Variants in SYN3 observed in about 807,000 individuals in gnomAD.
SYN3 encodes synapsin-3.
A neutral mutation model predicts 65.8 loss-of-function variants in SYN3; 35 were observed. That is an observed-to-expected ratio of 0.53 (90% CI 0.41 to 0.70). SYN3 has a LOEUF of 0.70. SYN3 is among the 30% of genes least tolerant of loss of function. The probability of loss-of-function intolerance (pLI) is 0.00; values close to 1 mark genes in which losing one functional copy is unlikely to be tolerated. For synonymous variants in SYN3, 270 were observed against 292.9 expected (o/e 0.92, Z 0.80); for missense variants, 680 against 749.0 (o/e 0.91, Z 1.08).
intron 6 of SYN3, among the ~76,000 whole-genome samples, chr22:32,622,228 C>T (rs1424407244): frequency 6.6e-6 from 1 of 152,082 alleles, no homozygotes; most frequent in Admixed American, 6.5e-5. Flanking sequence ...CTGTCCGCTG[C>T]CCTGTCTCCC....
chr22:32,822,662 G>A (rs530653064), intron 6 of SYN3, among the ~76,000 whole-genome samples: 53 of 152,162 alleles, frequency 3.5e-4, no homozygotes, highest in Non-Finnish European at 5.9e-4. Context: ...CGTTCATACA[G>A]TGAAGATCTG....
At chr22:32,593,263 T>A (rs1204249716) in intron 7 of SYN3, among the ~76,000 whole-genome samples, 2 of 151,426 alleles carry the variant, frequency 1.3e-5, no homozygotes, top group South Asian at 2.1e-4. Flanking sequence ...TTTTTTTTTT[T>A]AATCCTTGGA....
At chr22:32,684,464 T>G (rs2060564303) in intron 6 of SYN3, among the ~76,000 whole-genome samples, 1 of 152,212 alleles carries the variant, frequency 6.6e-6, no homozygotes, top group Non-Finnish European at 1.5e-5. Flanking sequence ...GGGTTTTTTC[T>G]TATTTCATTT....
chr22:32,868,949 C>T lies in SYN3; in HGVS notation c.621+17G>A, dbSNP rs1187121006. 1 of 1,611,372 alleles carries T rather than the reference C, an allele frequency of 6.2e-7. No homozygotes were observed. Among genetic ancestry groups the T allele is most frequent in the Non-Finnish European group, 8.5e-7 (1 of 1,178,540 alleles). On this transcript the variant is annotated intron_variant, in intron 5 of 13. Coordinates refer to ENST00000358763, the MANE Select transcript of SYN3 (RefSeq NM_003490.4). ...TGCCTCCCAGATCCCTCCAGGTCAG[C>T]CTGCCCTGTCACCTACCACCCAGGG...
At chr22:32,716,208 C>A (rs2061037341) in intron 6 of SYN3, among the ~76,000 whole-genome samples, 1 of 152,120 alleles carries the variant, frequency 6.6e-6, no homozygotes, top group Non-Finnish European at 1.5e-5. Flanking sequence ...AGTAAAGTTC[C>A]CACTTGAGTA....
chr22:32,751,476 G>A (rs1020028542), intron 6 of SYN3, among the ~76,000 whole-genome samples: 1 of 152,214 alleles, frequency 6.6e-6, no homozygotes, highest in Non-Finnish European at 1.5e-5. Flanking sequence ...GGGTGGTCAT[G>A]GGAGAGATCG....
chr22:33,021,851 A>G (rs1326453103), intron 1 of SYN3, among the ~76,000 whole-genome samples: 6 of 150,286 alleles, frequency 4.0e-5, no homozygotes, highest in Non-Finnish European at 8.8e-5. Flanking sequence ...CTCCCCAGGG[A>G]GAGAGACCAT....
intron 4 of SYN3, among the ~76,000 whole-genome samples, chr22:32,924,872 G>A (rs925343997): frequency 2.0e-5 from 3 of 152,244 alleles, no homozygotes; most frequent in South Asian, 4.1e-4. Flanking sequence ...TGGGAGGATC[G>A]CTTGAGCTCA....
intron 12 of SYN3, among the ~76,000 whole-genome samples, chr22:32,525,593 C>G (rs1159624498): frequency 6.6e-6 from 1 of 151,780 alleles, no homozygotes; most frequent in Non-Finnish European, 1.5e-5. Flanking sequence ...ACCTGTAGTC[C>G]CAGCTACTCG....
At chr22:32,557,965 TTC>T (rs1199922658) in intron 7 of SYN3, among the ~76,000 whole-genome samples, 1 of 152,230 alleles carries the variant, frequency 6.6e-6, no homozygotes, top group Admixed American at 6.5e-5. Flanking sequence ...TACTGTGTTT[TTC>T]TCTCTTTTAA....
At chr22:32,522,589 A>G (rs1021094910) in intron 12 of SYN3, among the ~76,000 whole-genome samples, 1 of 152,352 alleles carries the variant, frequency 6.6e-6, no homozygotes, top group Non-Finnish European at 1.5e-5. Flanking sequence ...CATTAGTTAC[A>G]AGGATTGTTA....
chr22:32,682,608 T>A (rs1350381927), intron 6 of SYN3, among the ~76,000 whole-genome samples: 1 of 152,170 alleles, frequency 6.6e-6, no homozygotes, highest in Non-Finnish European at 1.5e-5. Context: ...TTAGACCCCA[T>A]CTGATCTTTA....
At chr22:32,644,474 C>T (rs2059955261) in intron 6 of SYN3, among the ~76,000 whole-genome samples, 1 of 152,096 alleles carries the variant, frequency 6.6e-6, no homozygotes, top group South Asian at 2.1e-4. Context: ...GTCAGGGGCC[C>T]TGGGAATGCC....
At chr22:33,016,065 T>G (rs1175128466) in intron 1 of SYN3, among the ~76,000 whole-genome samples, 2 of 152,094 alleles carry the variant, frequency 1.3e-5, no homozygotes, top group Non-Finnish European at 2.9e-5. Context: ...AGACTGGTCT[T>G]GAACTCCTGA....
chr22:32,719,867 G>A (rs1349306084), intron 6 of SYN3, among the ~76,000 whole-genome samples: 1 of 152,072 alleles, frequency 6.6e-6, no homozygotes, highest in Admixed American at 6.6e-5. Context: ...GAGAGAGAGA[G>A]AAGAAAAGAA....
intron 6 of SYN3, among the ~76,000 whole-genome samples, chr22:32,761,970 G>A (rs1451660131): frequency 1.1e-4 from 16 of 152,232 alleles, no homozygotes; most frequent in Admixed American, 1.0e-3. Context: ...ATGCTGGAGT[G>A]AGGAGTCTCA....
chr22:32,963,507 TATGGATGGATGG>T (rs919534443), intron 3 of SYN3, among the ~76,000 whole-genome samples: 2 of 152,022 alleles, frequency 1.3e-5, no homozygotes, highest in Non-Finnish European at 2.9e-5. Context: ...AGCATAAGTA[TATGGATGGATGG>T]ATGGATGGAT....
chr22:32,821,953 C>T (rs902147641), intron 6 of SYN3, among the ~76,000 whole-genome samples: 4 of 152,000 alleles, frequency 2.6e-5, no homozygotes, highest in African/African-American at 9.7e-5. Flanking sequence ...GTCGGGAGTT[C>T]GAGACCAGCC....
intron 6 of SYN3, among the ~76,000 whole-genome samples, chr22:32,673,888 G>T (rs1349117932): frequency 6.6e-6 from 1 of 152,156 alleles, no homozygotes; most frequent in East Asian, 1.9e-4. Flanking sequence ...CTTTCTCCTG[G>T]GGGCAAAATC....
Sources: gnomAD v4.1 joint callset for allele counts (sites outside exome capture counted in the v4.1 genomes callset) on GRCh38, gnomAD v4.1.1 for gene constraint, MANE v1.5 for transcripts, NCBI Gene and HGNC (gene_info 2026-07-23, HGNC 2026-07-21) for gene names.